The following SPATC1 variants were observed in gnomAD, a reference collection of about 807,000 sequenced individuals.
SPATC1 encodes speriolin.
Under a neutral mutation model 36.5 loss-of-function variants are expected in SPATC1, and 35 were observed. The ratio of observed to expected loss-of-function variants is 0.96; its 90% CI spans 0.73 to 1.27. The LOEUF is 1.27. SPATC1 is among the 50% of genes most tolerant of loss of function. SPATC1 has a pLI of 0.00. For missense variants in SPATC1, 779 were observed against 796.0 expected (o/e 0.98, Z 0.26); for synonymous variants, 361 against 353.6 (o/e 1.02, Z -0.24).
chr8:144,016,969 A>G lies in SPATC1; in HGVS notation c.211+4243A>G, dbSNP rs782740963. On this transcript the variant is annotated intron_variant, in intron 1 of 4. Coordinates refer to ENST00000377470, the MANE Select transcript of SPATC1 (RefSeq NM_198572.3). The surrounding 1 kb of genome is among the most constrained non-coding windows in gnomAD (Gnocchi z 4.5). ...TGGTGGTTTGTAACAGAGAATAATC[A>G]TGTTTGTGCTTCAGAAACGTTACCC... 1.9e-4 allele frequency among the ~76,000 whole-genome samples: 29 copies of G among 152,172 alleles called. No individual in the cohort carries two copies. Among genetic ancestry groups the G allele is most frequent in the Non-Finnish European group, 3.2e-4 (22 of 68,036 alleles).
chr8:144,029,311 G>C (rs1183661879), intron 1 of SPATC1, among the ~76,000 whole-genome samples: 1 of 150,496 alleles, frequency 6.6e-6, no homozygotes, highest in Non-Finnish European at 1.5e-5. Flanking sequence ...GCTCACGCCT[G>C]TAATCCCAGC....
In SPATC1 at chr8:144,042,121, C is replaced by G. The variant is rs1204801841; in HGVS notation, c.1446+750C>G. The G allele has an allele frequency of 1.1e-5, 6 of 570,082 alleles. No individual in the cohort carries two copies. In the African/African-American group the frequency reaches 1.2e-4, roughly 12 times the overall value. The allele number at this position is 570,082 out of a possible 1,614,324, so 35.3% of individuals were successfully genotyped here. A position where few individuals can be genotyped will look rare whatever the true frequency, so the allele number is the denominator to read the frequency against. On this transcript the variant is annotated intron_variant, in intron 4 of 4. Coordinates refer to ENST00000377470, the MANE Select transcript of SPATC1 (RefSeq NM_198572.3). ...GTATGTACCCAGCTCACTGCAACCT[C>G]TGCCTCTCAATTCAAACGATTCTGC... is the stretch of plus-strand genomic sequence containing the variant.
intron 4 of SPATC1, among the ~76,000 whole-genome samples, chr8:144,043,913 C>T (rs141332358): frequency 9.9e-4 from 150 of 152,266 alleles, no homozygotes; most frequent in Admixed American, 4.1e-3. Context: ...CCTTGGAGGA[C>T]GGTGTGGACA....
intron 4 of SPATC1, among the ~76,000 whole-genome samples, 157 bp downstream of exon 4, chr8:144,041,528 G>T (rs1554756094): frequency 6.6e-6 from 1 of 152,250 alleles, no homozygotes; most frequent in African/African-American, 2.4e-5. Context: ...CAGGTGTTGG[G>T]GCATCTGGCA....
At chr8:144,026,285 T>C (rs1183022060) in intron 1 of SPATC1, among the ~76,000 whole-genome samples, 2 of 152,354 alleles carry the variant, frequency 1.3e-5, no homozygotes, top group African/African-American at 4.8e-5. Flanking sequence ...TTTTTTGTTT[T>C]GTTTCGCTTT....
rs1564279663 is a variant in SPATC1, at chr8:144,041,039, A to C, written c.1238A>C (p.Lys413Thr). 1 of 1,609,866 alleles carries C rather than the reference A, an allele frequency of 6.2e-7. No homozygotes were observed. The highest frequency in any genetic ancestry group is 1.7e-5 in the Admixed American group (1 of 59,430). ...CCACGCACCACAGAACCGTCGACGA[A>C]GAGCATGATGGAGGTGGAACGGAAG... Reference protein sequence around the residue: ...RGPRTTEPSTKSMMEVERKLA... With the variant: ...RGPRTTEPSTTSMMEVERKLA... Residue 413 changes from lysine (K) to threonine (T), a missense_variant, in exon 3 of 5, where the codon AAG becomes ACG. Lys to Thr is a moderately conservative substitution (Grantham distance 78). Coordinates refer to ENST00000377470, the MANE Select transcript of SPATC1 (RefSeq NM_198572.3).
At chr8:144,023,160 C>A (rs1834582531) in intron 1 of SPATC1, among the ~76,000 whole-genome samples, 1 of 121,602 alleles carries the variant, frequency 8.2e-6, no homozygotes, top group Non-Finnish European at 1.7e-5. Flanking sequence ...CCTCAGGACC[C>A]CTTTCTCTCA....
chr8:144,037,562 T>TG (rs1287492877), intron 1 of SPATC1, among the ~76,000 whole-genome samples: 1 of 152,042 alleles, frequency 6.6e-6, no homozygotes, highest in Non-Finnish European at 1.5e-5. Context: ...TTGAATGGAT[T>TG]AAGGGGGGTG....
At chr8:144,033,411 A>G (rs970637799) in intron 1 of SPATC1, among the ~76,000 whole-genome samples, 2 of 152,126 alleles carry the variant, frequency 1.3e-5, no homozygotes, top group Non-Finnish European at 2.9e-5. Context: ...AAAAAAAAAA[A>G]AGAAAGAAAG....
In SPATC1 at chr8:144,046,786, C is replaced by A. The variant is rs373716422; in HGVS notation, c.1606C>A (p.Arg536=). 6.2e-6 allele frequency: 10 copies of A among 1,609,024 alleles called. No individual in the cohort carries two copies. The highest frequency in any genetic ancestry group is 2.2e-5 in the East Asian group (1 of 44,880). Reference sequence around the variant, plus strand: ...GCTGGTGAACGCTTATGGCATCCTGCGAGAGCGCCCGGAGCTGGCGGCGTC... The same window carrying A: ...GCTGGTGAACGCTTATGGCATCCTGAGAGAGCGCCCGGAGCTGGCGGCGTC... ...EQLVNAYGIL[R]ERPELAASEG... The change falls in exon 5 of 5, where the codon CGA becomes AGA. Residue 536 remains arginine, a synonymous_variant. Transcript: ENST00000377470. The surrounding 1 kb of genome is among the most constrained non-coding windows in gnomAD (Gnocchi z 6.6).
chr8:144,039,421 C>T (rs941537664), intron 1 of SPATC1, among the ~76,000 whole-genome samples: 3 of 152,238 alleles, frequency 2.0e-5, no homozygotes, highest in Admixed American at 6.5e-5. Flanking sequence ...CATTGCAGCA[C>T]GGACCCCCTG....
At chr8:144,011,386 G>A (rs566950913), upstream of SPATC1, among the ~76,000 whole-genome samples, 2 of 152,086 alleles carry the variant, frequency 1.3e-5, no homozygotes, top group Non-Finnish European at 2.9e-5. The surrounding 1 kb of genome is among the most constrained non-coding windows in gnomAD (Gnocchi z 4.5). Context: ...CCCATTGTGA[G>A]GTCCAGGCAG....
At chr8:144,032,797 C>T (rs909139070) in intron 1 of SPATC1, among the ~76,000 whole-genome samples, 156 of 152,140 alleles carry the variant, frequency 1.0e-3, no homozygotes, top group Non-Finnish European at 1.7e-3. Flanking sequence ...GAAGGCAGAC[C>T]GCCAACCTTA....
At chr8:144,020,215 C>G (rs1262785228) in intron 1 of SPATC1, among the ~76,000 whole-genome samples, 1 of 147,854 alleles carries the variant, frequency 6.8e-6, no homozygotes, top group Non-Finnish European at 1.5e-5. Flanking sequence ...AGGACCATCT[C>G]CCCTCAGGAG....
chr8:144,036,512 C>T (rs918126234), intron 1 of SPATC1, among the ~76,000 whole-genome samples: 12 of 151,978 alleles, frequency 7.9e-5, no homozygotes, highest in African/African-American at 2.4e-4. Flanking sequence ...TTTGTAGAGA[C>T]GGAGTTTCAC....
chr8:144,014,708 C>T (rs782058080), intron 1 of SPATC1, among the ~76,000 whole-genome samples: 10 of 152,140 alleles, frequency 6.6e-5, no homozygotes, highest in Non-Finnish European at 1.2e-4. Flanking sequence ...GGGAAAGGAG[C>T]GTGCCACAAG....
At position 144,023,507 on chromosome 8, in the gene SPATC1, G is replaced by A. The variant is rs1280370151; in HGVS notation, c.211+10781G>A. Among the ~76,000 whole-genome samples the A allele has an allele frequency of 3.4e-4, 30 of 89,368 alleles. 2 individuals are homozygous for A. The highest frequency in any genetic ancestry group is 9.7e-4 in the African/African-American group (24 of 24,784). The allele number at this position is 89,368 out of a possible 152,430, so 58.6% of individuals were successfully genotyped here. A position where few individuals can be genotyped will look rare whatever the true frequency, so the allele number is the denominator to read the frequency against. ...TATCGCCTCAGTACCCTCCTCTCTCGTGACTGTCTCCCCTCGTGGCCCTCT... is the reference window on the plus strand; with the variant it reads ...TATCGCCTCAGTACCCTCCTCTCTCATGACTGTCTCCCCTCGTGGCCCTCT... On this transcript the variant is annotated intron_variant, in intron 1 of 4. Coordinates refer to ENST00000377470, the MANE Select transcript of SPATC1 (RefSeq NM_198572.3).
chr8:144,034,462 A>G (rs879027621), intron 1 of SPATC1, among the ~76,000 whole-genome samples: 5,687 of 151,642 alleles, frequency 0.038, 369 homozygotes, highest in African/African-American at 0.13. Flanking sequence ...TTTAAAATAC[A>G]TACTCATATT....
At chr8:144,017,311 A>G (rs2133099628) in intron 1 of SPATC1, among the ~76,000 whole-genome samples, 1 of 152,114 alleles carries the variant, frequency 6.6e-6, no homozygotes, top group East Asian at 1.9e-4. Flanking sequence ...TCCTTTATAG[A>G]GTCGGGTTCT....
Sources: gnomAD v4.1 joint callset for allele counts (sites outside exome capture counted in the v4.1 genomes callset) on GRCh38, gnomAD v4.1.1 for gene constraint, Gnocchi (gnomAD v3.1) non-coding constraint, MANE v1.5 for transcripts, NCBI Gene and HGNC (gene_info 2026-07-23, HGNC 2026-07-21) for gene names.